GABBR2: variants seen among roughly 807,000 people sequenced by gnomAD.
The protein encoded by GABBR2 is G-protein coupled receptor 51.
Under a neutral mutation model 105.6 loss-of-function variants are expected in GABBR2, and 23 were observed. That is an observed-to-expected ratio of 0.22 (90% CI 0.16 to 0.31). GABBR2 has a LOEUF of 0.31. Ranked by LOEUF, GABBR2 falls within the 10% of genes least tolerant of loss-of-function variation. The probability of loss-of-function intolerance (pLI) is 1.00; values close to 1 mark genes in which losing one functional copy is unlikely to be tolerated. For missense variants in GABBR2, 734 were observed against 1,245.5 expected (o/e 0.59, Z 6.18); for synonymous variants, 478 against 499.7 (o/e 0.96, Z 0.58).
chr9:98,352,856 T>A (rs867490304), intron 13 of GABBR2, among the ~76,000 whole-genome samples: 1 of 152,058 alleles, frequency 6.6e-6, no homozygotes, highest in African/African-American at 2.4e-5. Context: ...GCTGGTGTCA[T>A]AATGCTGCAG....
chr9:98,661,292 C>T (rs1283943186), intron 1 of GABBR2, among the ~76,000 whole-genome samples: 2 of 152,212 alleles, frequency 1.3e-5, no homozygotes, highest in Non-Finnish European at 2.9e-5. Context: ...AGGATGTGGA[C>T]ATCTTGAGGC....
At chr9:98,359,997 T>C (rs1030171023) in intron 13 of GABBR2, among the ~76,000 whole-genome samples, 8 of 152,176 alleles carry the variant, frequency 5.3e-5, no homozygotes, top group African/African-American at 1.9e-4. Flanking sequence ...GAGAAGATTC[T>C]GGAAGGGGAC....
intron 1 of GABBR2, among the ~76,000 whole-genome samples, chr9:98,683,554 A>G (rs1830577395): frequency 1.3e-5 from 2 of 152,186 alleles, no homozygotes; most frequent in Admixed American, 1.3e-4. Context: ...ACGTGTTAAA[A>G]TACTTAAATT....
intron 1 of GABBR2, among the ~76,000 whole-genome samples, chr9:98,625,568 C>T (rs1422824038): frequency 6.6e-6 from 1 of 152,186 alleles, no homozygotes; most frequent in Non-Finnish European, 1.5e-5. Flanking sequence ...CCTCGCCAGG[C>T]TGCTGAGAGT....
At chr9:98,304,924 A>ATCTTCCTACTTCAGCCT (rs1465968776) in intron 15 of GABBR2, among the ~76,000 whole-genome samples, 1 of 97,724 alleles carries the variant, frequency 1.0e-5, no homozygotes. Flanking sequence ...GGTGTGTACC[A>ATCTTCCTACTTCAGCCT]CCACACCTGG....
At chr9:98,465,366 C>T (rs1826527430) in intron 6 of GABBR2, among the ~76,000 whole-genome samples, 1 of 152,074 alleles carries the variant, frequency 6.6e-6, no homozygotes, top group South Asian at 2.1e-4. Context: ...TTGATCATTA[C>T]CTCACATCCT....
chr9:98,465,824 A>G (rs1826538307), intron 6 of GABBR2, among the ~76,000 whole-genome samples: 1 of 152,272 alleles, frequency 6.6e-6, no homozygotes, highest in African/African-American at 2.4e-5. Context: ...GAACTAGAAT[A>G]ACTACCAGAA....
chr9:98,317,193 C>T (rs898987167), intron 13 of GABBR2, among the ~76,000 whole-genome samples: 10 of 152,308 alleles, frequency 6.6e-5, no homozygotes, highest in African/African-American at 2.2e-4. Flanking sequence ...GGCAGGGCAC[C>T]GTGTCCAGCA....
chr9:98,567,863 G>A (rs1332261170), intron 2 of GABBR2, among the ~76,000 whole-genome samples: 2 of 152,164 alleles, frequency 1.3e-5, no homozygotes, highest in Admixed American at 6.5e-5. Flanking sequence ...CTGCCTCTTT[G>A]CCATGTCTCC....
At chr9:98,464,511 C>T (rs571984184) in intron 6 of GABBR2, among the ~76,000 whole-genome samples, 21 of 149,650 alleles carry the variant, frequency 1.4e-4, no homozygotes, top group Non-Finnish European at 2.4e-4. Context: ...TCTGCCCAGC[C>T]GCCCCGTCTG....
At chr9:98,490,566 C>T (rs981492137) in intron 4 of GABBR2, among the ~76,000 whole-genome samples, 2 of 152,204 alleles carry the variant, frequency 1.3e-5, no homozygotes, top group African/African-American at 4.8e-5. Context: ...GTCTCCAGAG[C>T]ACCCGGATTG....
intron 2 of GABBR2, among the ~76,000 whole-genome samples, chr9:98,576,439 C>A (rs559258620): frequency 6.6e-6 from 1 of 152,320 alleles, no homozygotes; most frequent in African/African-American, 2.4e-5. Flanking sequence ...CTCCAAGAGA[C>A]CTTTTCTGAC....
rs200851464 is a variant in GABBR2, at chr9:98,403,746, G to GA, written c.1297+2334dup. On this transcript the variant is annotated intron_variant, in intron 8 of 18. Coordinates refer to ENST00000259455, the MANE Select transcript of GABBR2 (RefSeq NM_005458.8). The stretch of plus-strand genomic sequence containing the variant: ...ATCATAATTGCTACTTACTTGCTGA[G>GA]AAAAAAAAAAATATATATATATATA... Among the ~76,000 whole-genome samples the GA allele has an allele frequency of 2.4e-3, 316 of 131,394 alleles. 1 individual carries two copies. The highest frequency in any genetic ancestry group is 8.2e-3 in the African/African-American group (277 of 33,690). The allele number at this position is 131,394 out of a possible 152,430, so 86.2% of individuals were successfully genotyped here. A position where few individuals can be genotyped will look rare whatever the true frequency, so the allele number is the denominator to read the frequency against.
chr9:98,398,885 T>C (rs577080895), intron 8 of GABBR2, among the ~76,000 whole-genome samples: 94 of 152,284 alleles, frequency 6.2e-4, no homozygotes, highest in African/African-American at 2.2e-3. Context: ...TAGGTGGACA[T>C]TGGCCAAATA....
At chr9:98,439,381 C>T (rs1274384617) in intron 7 of GABBR2, among the ~76,000 whole-genome samples, 5 of 152,080 alleles carry the variant, frequency 3.3e-5, no homozygotes, top group Non-Finnish European at 7.4e-5. Flanking sequence ...AATTTGCTTA[C>T]TAATTTTTAA....
intron 3 of GABBR2, among the ~76,000 whole-genome samples, chr9:98,505,811 A>T (rs1033691764): frequency 1.3e-5 from 2 of 152,188 alleles, no homozygotes; most frequent in African/African-American, 4.8e-5. Flanking sequence ...TCTCTCCTAG[A>T]GACTCCAGGG....
At chr9:98,669,872 G>T (rs998647342) in intron 1 of GABBR2, among the ~76,000 whole-genome samples, 1 of 151,964 alleles carries the variant, frequency 6.6e-6, no homozygotes, top group African/African-American at 2.4e-5. Context: ...TCTAGTCCAA[G>T]GAGTCAGGAA....
At chr9:98,637,009 G>A (rs74444938) in intron 1 of GABBR2, among the ~76,000 whole-genome samples, 1,775 of 152,132 alleles carry the variant, frequency 0.012, 28 homozygotes, top group African/African-American at 0.035. Context: ...TAGCTCACCC[G>A]GCCTCTTCTT....
chr9:98,685,430 T>C (rs140912740), intron 1 of GABBR2, among the ~76,000 whole-genome samples: 149 of 152,340 alleles, frequency 9.8e-4, no homozygotes, highest in Middle Eastern at 3.4e-3. Context: ...CCCCCCTTCA[T>C]ATATACATCT....
Sources: allele counts gnomAD v4.1 joint callset (sites outside exome capture counted in the v4.1 genomes callset), GRCh38; gene constraint gnomAD v4.1.1; transcripts MANE v1.5; gene names NCBI Gene and HGNC (gene_info 2026-07-23, HGNC 2026-07-21).